SLC26A11: variants seen among roughly 807,000 people sequenced by gnomAD.
SLC26A11 encodes the protein sodium-independent sulfate anion transporter.
Under a neutral mutation model 62.2 loss-of-function variants are expected in SLC26A11, and 58 were observed. The observed-to-expected ratio is 0.93, with a 90% confidence interval of 0.76 to 1.16. The LOEUF is 1.16. Ranked by LOEUF, SLC26A11 falls within the 50% of genes most tolerant of loss-of-function variation. The probability of loss-of-function intolerance (pLI) is 0.00; values close to 1 mark genes in which losing one functional copy is unlikely to be tolerated. For synonymous variants in SLC26A11, 411 were observed against 368.9 expected, an observed-to-expected ratio of 1.11 and a Z score of -1.31; for missense variants, 790 against 794.3, an observed-to-expected ratio of 0.99 and a Z score of 0.06.
intron 5 of SLC26A11, chr17:80,225,632 G>A (rs879683088): frequency 1.8e-6 from 1 of 568,930 alleles, no homozygotes; most frequent in Non-Finnish European, 3.1e-6. Context: ...TGTCTCCCAC[G>A]AGGGTAGCTT....
intron 5 of SLC26A11, among the ~76,000 whole-genome samples, chr17:80,224,909 C>G (rs2042364673): frequency 6.6e-6 from 1 of 152,054 alleles, no homozygotes; most frequent in Non-Finnish European, 1.5e-5. Context: ...CCAACAGTCC[C>G]AGAGTCCGCC....
intron 7 of SLC26A11, among the ~76,000 whole-genome samples, chr17:80,229,649 C>T (rs901346570): frequency 2.6e-5 from 4 of 151,980 alleles, no homozygotes; most frequent in African/African-American, 4.8e-5. Context: ...AGGCTGGTCT[C>T]GAACTCCTGA....
rs1472745699 is a variant in SLC26A11 at position 80,237,017 on chromosome 17, ACAGCTGAGGGGCTCC to A, written c.828_842del (p.Ala277_Pro281del). 6.2e-7 allele frequency: 1 copy of A among 1,613,654 alleles called. No individual in the cohort carries two copies. The highest frequency in any genetic ancestry group is 8.5e-7 in the Non-Finnish European group (1 of 1,179,922). ...CCAGCCTTTCATCCTAACAGGGGAG[ACAGCTGAGGGGCTCC>A]CTCCAGTCCGGATCCCGCCCTTCTC... On this transcript the variant is annotated inframe_deletion, in exon 8 of 18. Coordinates refer to ENST00000361193, the MANE Select transcript of SLC26A11 (RefSeq NM_001166347.2).
chr17:80,220,662 G>A (rs1598774471), intron 1 of SLC26A11, among the ~76,000 whole-genome samples, 166 bp downstream of exon 1: 1 of 152,118 alleles, frequency 6.6e-6, no homozygotes, highest in East Asian at 1.9e-4. Flanking sequence ...CCGGGTCCCC[G>A]CGGCCCTCGG....
At position 80,233,584 on chromosome 17, in the gene SLC26A11, A is replaced by ATTTTT. The variant is rs56289503; in HGVS notation, c.737-3335_737-3331dup. Reference sequence around the variant, plus strand: ...CCTGTTGGTGATTAACTCTTTCAGCATTTTTTTTTTTTTATTTGACAGGAT... The same window carrying ATTTTT: ...CCTGTTGGTGATTAACTCTTTCAGCATTTTTTTTTTTTTTTTTTATTTGACAGGAT... On this transcript the variant is annotated intron_variant, in intron 7 of 17. Coordinates refer to ENST00000361193, the MANE Select transcript of SLC26A11 (RefSeq NM_001166347.2). Among the ~76,000 whole-genome samples, 190 of 142,426 alleles carry ATTTTT rather than the reference A, an allele frequency of 1.3e-3. 7 individuals carry two copies. The highest frequency in any genetic ancestry group is 3.8e-3 in the African/African-American group (146 of 38,618). 93.4% of individuals were successfully genotyped at this position (142,426 alleles called of 152,430 possible).
Position 80,222,957 on chromosome 17 carries a change from G to A in SLC26A11, c.427+110G>A. The A allele has an allele frequency of 1.2e-6, 1 of 865,672 alleles. No homozygotes were observed. The highest frequency in any genetic ancestry group is 1.7e-6 in the Non-Finnish European group (1 of 571,458). The allele number at this position is 865,672 out of a possible 1,614,324, so 53.6% of individuals were successfully genotyped here. On this transcript the variant is annotated intron_variant, in intron 4 of 17. Coordinates refer to ENST00000361193, the MANE Select transcript of SLC26A11 (RefSeq NM_001166347.2). This position sits in a 1 kb window ranked among gnomAD's most constrained non-coding sequence, Gnocchi z 4.7. ...TGTGTGCGTGTTGGGGTGTGGGTAT[G>A]TATGTGTGTGTGTGTAGGTGGGTGG...
In SLC26A11 at chr17:80,251,367, G is replaced by C; in HGVS notation, c.1695G>C (p.Lys565Asn). The C allele has an allele frequency of 6.2e-7, 1 of 1,614,134 alleles. No homozygotes were observed. The highest frequency in any genetic ancestry group is 1.1e-5 in the South Asian group (1 of 91,078). The change falls in exon 17 of 18, where the codon AAG becomes AAC. Residue 565 changes from lysine (K) to asparagine (N), a missense_variant. Physicochemically the swap from Lys to Asn is moderately conservative, Grantham distance 94. Transcript: ENST00000361193. ...GTGTCCTGCTGTCCGCTGACCTGAAGGGGTTCCAGTACTTCTCTACCCTGG... is the reference window on the plus strand; with the variant it reads ...GTGTCCTGCTGTCCGCTGACCTGAACGGGTTCCAGTACTTCTCTACCCTGG... ...VLRVLLSADL[K>N]GFQYFSTLEE... is the part of the protein sequence containing the mutation.
intron 2 of SLC26A11, chr17:80,221,325 G>A: frequency 2.0e-6 from 1 of 494,308 alleles, no homozygotes. Context: ...TTTGCACGGG[G>A]GGGATTCAGG....
chr17:80,224,480 A>C (rs2042349087), intron 5 of SLC26A11, among the ~76,000 whole-genome samples: 1 of 151,926 alleles, frequency 6.6e-6, no homozygotes, highest in African/African-American at 2.4e-5. Context: ...TGAGTGTGAG[A>C]ATAAAGTAGA....
chr17:80,250,730 G>A (rs1193283617), intron 16 of SLC26A11, among the ~76,000 whole-genome samples: 1 of 152,182 alleles, frequency 6.6e-6, no homozygotes, highest in African/African-American at 2.4e-5. Flanking sequence ...AGGGGGCTGA[G>A]GCAGGAGAAT....
chr17:80,245,713 C>T (rs1320788498), intron 11 of SLC26A11, among the ~76,000 whole-genome samples: 5 of 152,210 alleles, frequency 3.3e-5, no homozygotes, highest in South Asian at 2.1e-4. Flanking sequence ...GGAAGGGCCT[C>T]GGCTCTGTCC....
chr17:80,252,698 T>G lies in SLC26A11; in HGVS notation c.1803T>G (p.Val601=). The G allele has an allele frequency of 1.2e-6, 2 of 1,613,898 alleles. No individual in the cohort carries two copies. Among genetic ancestry groups the G allele is most frequent in the Non-Finnish European group, 1.7e-6 (2 of 1,179,976 alleles). ...IREDSILDQK[V]ALLKA ...AAGACTCCATTCTGGACCAAAAGGT[T>G]GCCCTGCTCAAGGCATAATGGGGCC... Residue 601 remains valine, a synonymous_variant, in exon 18 of 18, where the codon GTT becomes GTG. Transcript: ENST00000361193. The surrounding 1 kb of genome is among the most constrained non-coding windows in gnomAD (Gnocchi z 5.2).
chr17:80,237,360 C>T (rs1393974057), intron 8 of SLC26A11, 162 bp from the exon 9 acceptor site: 5 of 774,284 alleles, frequency 6.5e-6, no homozygotes, highest in Non-Finnish European at 1.0e-5. Flanking sequence ...CCGTGTTCCT[C>T]CCAGCACCTG....
intron 16 of SLC26A11, 30 bp from the exon 17 acceptor site, chr17:80,251,299 T>C: frequency 6.2e-7 from 1 of 1,613,948 alleles, no homozygotes; most frequent in South Asian, 1.1e-5. Context: ...GGAACATCCC[T>C]GCCCTGGCTA....
chr17:80,240,049 GA>G (rs2144943242), intron 9 of SLC26A11, among the ~76,000 whole-genome samples: 1 of 152,346 alleles, frequency 6.6e-6, no homozygotes, highest in Admixed American at 6.5e-5. Context: ...GTCCCTTACA[GA>G]AAAGCTGGCC....
intron 2 of SLC26A11, 45 bp from the exon 3 acceptor site, chr17:80,221,503 A>G (rs1418794993): frequency 5.7e-6 from 8 of 1,396,184 alleles, no homozygotes; most frequent in South Asian, 1.4e-5. Flanking sequence ...GGGTTCTTCA[A>G]AGGCCACGCT....
chr17:80,251,500 T>C (rs8068779), intron 17 of SLC26A11, 99 bp downstream of exon 17: 34,711 of 1,481,436 alleles, frequency 0.023, 1,747 homozygotes, highest in African/African-American at 0.2. Flanking sequence ...CAGTGGCTCA[T>C]GCCTGTAATC....
At chr17:80,236,805 G>A (rs1046017960) in intron 7 of SLC26A11, 123 bp from the exon 8 acceptor site, 1 of 995,260 alleles carries the variant, frequency 1.0e-6, no homozygotes, top group South Asian at 1.5e-5. Flanking sequence ...GCAGAGTGAG[G>A]ACTGTGGCCC....
rs903417785 is a variant in SLC26A11, at chr17:80,252,430, G to C, written c.1730-195G>C. On this transcript the variant is annotated intron_variant, in intron 17 of 17. Transcript: ENST00000361193. The surrounding 1 kb of genome is among the most constrained non-coding windows in gnomAD (Gnocchi z 5.2). Reference sequence around the variant, plus strand: ...CTGGAGCAGTAAGAAAGGGCCGTTAGTCACCTGAAAAATACGCTTACAGAG... The same window carrying C: ...CTGGAGCAGTAAGAAAGGGCCGTTACTCACCTGAAAAATACGCTTACAGAG... Among the ~76,000 whole-genome samples, 2 of 152,128 alleles carry C rather than the reference G, an allele frequency of 1.3e-5. No homozygotes were observed. The highest frequency in any genetic ancestry group is 2.9e-5 in the Non-Finnish European group (2 of 68,022).
Sources: gnomAD v4.1 joint callset for allele counts (sites outside exome capture counted in the v4.1 genomes callset) on GRCh38, gnomAD v4.1.1 for gene constraint, Gnocchi (gnomAD v3.1) non-coding constraint, MANE v1.5 for transcripts, NCBI Gene and HGNC (gene_info 2026-07-23, HGNC 2026-07-21) for gene names.